ADAMTSL1: variants seen among roughly 807,000 people sequenced by gnomAD.
ADAMTSL1 encodes the protein ADAMTS-like protein 1.
ADAMTSL1 carries 126 observed loss-of-function variants against 201.8 expected under a neutral mutation model. That is an observed-to-expected ratio of 0.62 (90% CI 0.54 to 0.72). ADAMTSL1 has a LOEUF of 0.72. Ranked by LOEUF, ADAMTSL1 falls within the 30% of genes least tolerant of loss-of-function variation. The pLI is 0.00. For missense variants in ADAMTSL1, 2,679 were observed against 2,277.8 expected, an observed-to-expected ratio of 1.18 and a Z score of -3.59; for synonymous variants, 1,121 against 903.4, an observed-to-expected ratio of 1.24 and a Z score of -4.32.
rs7021137 is a variant in ADAMTSL1 at position 18,088,480 on chromosome 9, C to T, written c.88-75382C>T. Among the ~76,000 whole-genome samples, 1,343 of 152,212 alleles carry T rather than the reference C, an allele frequency of 8.8e-3. 18 individuals are homozygous for T. Among genetic ancestry groups the T allele is most frequent in the African/African-American group, 0.031 (1,290 of 41,540 alleles). The stretch of plus-strand genomic sequence containing the variant: ...ATGCAACTTAAGGAAAGGTAGAAAA[C>T]ATTTACAAATTATATATTCGATAAG... On this transcript the variant is annotated intron_variant, in intron 1 of 29. Transcript: ENST00000680146.
At chr9:18,193,313 A>G (rs1829045328) in intron 2 of ADAMTSL1, among the ~76,000 whole-genome samples, 1 of 152,174 alleles carries the variant, frequency 6.6e-6, no homozygotes, top group African/African-American at 2.4e-5. Context: ...ATGGGGAAGA[A>G]TCATATAGAA....
At chr9:18,267,144 T>C (rs2132557937) in intron 2 of ADAMTSL1, among the ~76,000 whole-genome samples, 1 of 152,296 alleles carries the variant, frequency 6.6e-6, no homozygotes, top group Non-Finnish European at 1.5e-5. Flanking sequence ...TCACTTTATG[T>C]TGCTGTTCTC....
chr9:18,032,220 A>C (rs933177534), intron 1 of ADAMTSL1, among the ~76,000 whole-genome samples: 15 of 152,166 alleles, frequency 9.9e-5, no homozygotes, highest in African/African-American at 3.4e-4. Context: ...ACTGGCACAC[A>C]AACCAGCACC....
At chr9:18,313,109 C>T (rs1037929307) in intron 2 of ADAMTSL1, among the ~76,000 whole-genome samples, 3 of 152,200 alleles carry the variant, frequency 2.0e-5, no homozygotes, top group Non-Finnish European at 4.4e-5. Context: ...CTATTTGAAA[C>T]ACAGATTGCT....
At position 18,047,006 on chromosome 9, in the gene ADAMTSL1, G is replaced by A. The variant is rs1821688369; in HGVS notation, c.88-116856G>A. Among the ~76,000 whole-genome samples the A allele has an allele frequency of 2.6e-5, 4 of 152,214 alleles. 1 individual carries two copies. Among genetic ancestry groups the A allele is most frequent in the South Asian group, 4.1e-4 (2 of 4,824 alleles). Reference sequence around the variant, plus strand: ...TGTGGGAGTTCAGATGCATTGTAATGTGGAGTAATGGAAGGCAGAAAAATG... The same window carrying A: ...TGTGGGAGTTCAGATGCATTGTAATATGGAGTAATGGAAGGCAGAAAAATG... On this transcript the variant is annotated intron_variant, in intron 1 of 29. Transcript: ENST00000680146.
At chr9:18,480,762 G>T (rs557415762) in intron 1 of ADAMTSL1, among the ~76,000 whole-genome samples, 13 of 152,270 alleles carry the variant, frequency 8.5e-5, no homozygotes, top group Non-Finnish European at 1.5e-5. Flanking sequence ...TGATCTTTGC[G>T]GTTTGCAATT....
intron 1 of ADAMTSL1, among the ~76,000 whole-genome samples, chr9:18,021,796 A>G (rs143698302): frequency 3.3e-5 from 5 of 152,186 alleles, no homozygotes; most frequent in African/African-American, 1.2e-4. Context: ...GCAGATGTGG[A>G]GTCTCATGTC....
At chr9:18,611,499 A>C (rs1472765874) in intron 4 of ADAMTSL1, among the ~76,000 whole-genome samples, 3 of 152,164 alleles carry the variant, frequency 2.0e-5, no homozygotes, top group African/African-American at 2.4e-5. Context: ...AACAATACAC[A>C]AAAAAATCCA....
intron 3 of ADAMTSL1, among the ~76,000 whole-genome samples, chr9:18,543,042 G>A (rs1268488205): frequency 6.6e-6 from 1 of 152,182 alleles, no homozygotes; most frequent in East Asian, 1.9e-4. Flanking sequence ...CCAGTTATTA[G>A]GCTGGACAGT....
intron 1 of ADAMTSL1, among the ~76,000 whole-genome samples, chr9:17,970,092 G>A (rs72695997): frequency 0.044 from 6,642 of 151,904 alleles, 220 homozygotes; most frequent in Non-Finnish European, 0.059. Context: ...TTTCTAATTG[G>A]GTATTAACAC....
At chr9:18,610,424 G>T (rs1462035888) in intron 4 of ADAMTSL1, among the ~76,000 whole-genome samples, 1 of 152,110 alleles carries the variant, frequency 6.6e-6, no homozygotes, top group Non-Finnish European at 1.5e-5. Flanking sequence ...TTACTTTACA[G>T]ATGATGCTTT....
intron 1 of ADAMTSL1, among the ~76,000 whole-genome samples, chr9:18,153,407 G>A (rs1050523350): frequency 6.6e-6 from 1 of 151,986 alleles, no homozygotes; most frequent in Admixed American, 6.6e-5. Flanking sequence ...ATTAATAACT[G>A]ATTTTTTAAA....
intron 2 of ADAMTSL1, among the ~76,000 whole-genome samples, chr9:18,246,047 G>T (rs918038661): frequency 1.3e-5 from 2 of 152,020 alleles, no homozygotes; most frequent in Non-Finnish European, 2.9e-5. Flanking sequence ...CCCTCTACCG[G>T]CTGCTGTGGG....
chr9:18,089,633 C>G (rs1346902758), intron 1 of ADAMTSL1, among the ~76,000 whole-genome samples: 3 of 152,204 alleles, frequency 2.0e-5, no homozygotes, highest in Admixed American at 2.0e-4. Context: ...ATGGATGAAA[C>G]TTGAGAACAT....
chr9:18,374,385 G>A (rs1244435953), intron 2 of ADAMTSL1, among the ~76,000 whole-genome samples: 1 of 150,028 alleles, frequency 6.7e-6, no homozygotes, highest in East Asian at 2.0e-4. Context: ...CCCAGCAATT[G>A]TACAGTGGTG....
intron 2 of ADAMTSL1, among the ~76,000 whole-genome samples, chr9:18,309,506 A>G (rs950389744): frequency 6.6e-6 from 1 of 152,166 alleles, no homozygotes; most frequent in Non-Finnish European, 1.5e-5. Context: ...TACAAAATCA[A>G]TGTGCAAAAA....
chr9:18,651,873 A>G (rs192776002), intron 7 of ADAMTSL1, among the ~76,000 whole-genome samples: 1 of 151,956 alleles, frequency 6.6e-6, no homozygotes, highest in African/African-American at 2.4e-5. Flanking sequence ...GAGAAATCCC[A>G]TGTCCAAAAT....
chr9:18,183,941 G>C (rs1469383332), intron 2 of ADAMTSL1, among the ~76,000 whole-genome samples: 1 of 152,182 alleles, frequency 6.6e-6, no homozygotes, highest in East Asian at 1.9e-4. Flanking sequence ...AGGGAAGGAA[G>C]TTTCAACGGT....
intron 2 of ADAMTSL1, among the ~76,000 whole-genome samples, chr9:18,271,145 A>T (rs903314759): frequency 2.6e-5 from 4 of 152,198 alleles, no homozygotes; most frequent in African/African-American, 9.7e-5. Context: ...GAGATAATAA[A>T]AATGTCACAA....
Sources: allele counts gnomAD v4.1 joint callset (sites outside exome capture counted in the v4.1 genomes callset), GRCh38; gene constraint gnomAD v4.1.1; transcripts MANE v1.5; gene names NCBI Gene and HGNC (gene_info 2026-07-23, HGNC 2026-07-21).